TSHZ1: variants seen among roughly 807,000 people sequenced by gnomAD.
TSHZ1 encodes the protein teashirt homolog 1.
In TSHZ1, 12 loss-of-function variants were observed where a neutral mutation model predicts 67.1. The observed-to-expected ratio is 0.18, with a 90% CI of 0.11 to 0.29. TSHZ1 has a LOEUF of 0.29. Among genes scored for constraint, TSHZ1 ranks in the 10% least tolerant of loss-of-function variants. TSHZ1 has a pLI of 1.00. For synonymous variants in TSHZ1, 632 were observed against 622.4 expected, an observed-to-expected ratio of 1.02 and a Z score of -0.23; for missense variants, 1,305 against 1,413.9, an observed-to-expected ratio of 0.92 and a Z score of 1.23.
chr18:75,238,122 G>A (rs2023104875), intron 1 of TSHZ1, among the ~76,000 whole-genome samples: 1 of 152,194 alleles, frequency 6.6e-6, no homozygotes, highest in Non-Finnish European at 1.5e-5. Context: ...TCTTAAACAG[G>A]CTTATGCTTT....
Position 75,286,308 on chromosome 18 carries a change from G to A in TSHZ1, c.901G>A (p.Glu301Lys), listed in dbSNP as rs1360813028. Residue 301 changes from glutamate (E) to lysine (K), a missense_variant, in exon 2 of 2, where the codon GAG becomes AAG. This residue lies in a region of TSHZ1 where 38 missense variants were observed against 76.5 expected (regional missense o/e 0.50). Transcript: ENST00000580243. The surrounding 1 kb of genome is among the most constrained non-coding windows in gnomAD (Gnocchi z 5.1). Reference protein sequence around the residue: ...KRSLMEMEGKEDAQKVLKCMY... With the variant: ...KRSLMEMEGKKDAQKVLKCMY... ...CTCCCTGATGGAGATGGAGGGGAAGGAGGATGCCCAGAAGGTGCTGAAGTG... is the reference window on the plus strand; with the variant it reads ...CTCCCTGATGGAGATGGAGGGGAAGAAGGATGCCCAGAAGGTGCTGAAGTG... 4.3e-6 allele frequency: 7 copies of A among 1,613,018 alleles called. No homozygotes were observed. The highest frequency in any genetic ancestry group is 5.9e-6 in the Non-Finnish European group (7 of 1,179,108).
At chr18:75,236,937 A>T (rs1369372396) in intron 1 of TSHZ1, among the ~76,000 whole-genome samples, 1 of 152,202 alleles carries the variant, frequency 6.6e-6, no homozygotes, top group Non-Finnish European at 1.5e-5. Context: ...CTCTCAAACC[A>T]TCCGTAAGTT....
At chr18:75,273,224 C>T (rs1008446540) in intron 1 of TSHZ1, among the ~76,000 whole-genome samples, 2 of 152,198 alleles carry the variant, frequency 1.3e-5, no homozygotes, top group Non-Finnish European at 2.9e-5. Context: ...AGTGAGGCAG[C>T]GTTCTGGGAG....
At chr18:75,257,033 T>C (rs1449256220) in intron 1 of TSHZ1, among the ~76,000 whole-genome samples, 1 of 152,240 alleles carries the variant, frequency 6.6e-6, no homozygotes, top group Non-Finnish European at 1.5e-5. Flanking sequence ...AGAGTGGTGA[T>C]GTGCATTTGT....
At chr18:75,285,390 G>A in intron 1 of TSHZ1, 58 bp from the exon 2 acceptor site, 1 of 1,415,944 alleles carries the variant, frequency 7.1e-7, no homozygotes, top group Non-Finnish European at 9.2e-7. Context: ...CTGCTGGGGA[G>A]GCTGTCTCTT....
intron 1 of TSHZ1, among the ~76,000 whole-genome samples, chr18:75,237,791 C>T (rs8086643): frequency 0.029 from 4,113 of 143,544 alleles, 128 homozygotes; most frequent in African/African-American, 0.087. Context: ...TTCTTTCTTT[C>T]ATTTATTTAT....
intron 1 of TSHZ1, among the ~76,000 whole-genome samples, chr18:75,253,273 C>T (rs2023325353): frequency 1.3e-5 from 2 of 152,004 alleles, no homozygotes; most frequent in African/African-American, 4.8e-5. Flanking sequence ...TGTTGTTTGC[C>T]TTTGTATGTG....
intron 1 of TSHZ1, among the ~76,000 whole-genome samples, chr18:75,228,383 T>C (rs1399462844): frequency 6.6e-6 from 1 of 152,196 alleles, no homozygotes; most frequent in African/African-American, 2.4e-5. Flanking sequence ...GCCATCCTTA[T>C]AGGACCCTGA....
chr18:75,252,789 A>G (rs1487993049), intron 1 of TSHZ1, among the ~76,000 whole-genome samples: 1 of 152,172 alleles, frequency 6.6e-6, no homozygotes, highest in African/African-American at 2.4e-5. Flanking sequence ...ATTTCAATGA[A>G]CAATCTGCCT....
At chr18:75,235,906 A>ATT (rs762672133) in intron 1 of TSHZ1, among the ~76,000 whole-genome samples, 1 of 152,006 alleles carries the variant, frequency 6.6e-6, no homozygotes, top group Non-Finnish European at 1.5e-5. Flanking sequence ...CCATTCTGAG[A>ATT]TGGGGAGGCC....
intron 1 of TSHZ1, among the ~76,000 whole-genome samples, chr18:75,271,997 C>T (rs185314883): frequency 2.5e-4 from 38 of 152,340 alleles, no homozygotes; most frequent in African/African-American, 8.4e-4. Flanking sequence ...GTGATTCTAA[C>T]ATCTGTCCTA....
At chr18:75,223,291 G>A (rs970323353) in intron 1 of TSHZ1, among the ~76,000 whole-genome samples, 3 of 152,102 alleles carry the variant, frequency 2.0e-5, no homozygotes, top group Non-Finnish European at 4.4e-5. Context: ...AGCAGTGGAT[G>A]GGTTTTTATG....
At chr18:75,236,114 G>A (rs1309457834) in intron 1 of TSHZ1, among the ~76,000 whole-genome samples, 1 of 152,210 alleles carries the variant, frequency 6.6e-6, no homozygotes, top group Non-Finnish European at 1.5e-5. Flanking sequence ...TGCGTGATAG[G>A]AAGTGTGCGT....
At chr18:75,213,637 T>A (rs1378973635) in intron 1 of TSHZ1, among the ~76,000 whole-genome samples, 3 of 151,630 alleles carry the variant, frequency 2.0e-5, no homozygotes, top group East Asian at 2.0e-4. Flanking sequence ...TTTTTTTTTT[T>A]AAATAAAAGG....
At chr18:75,249,283 G>T (rs1471353502) in intron 1 of TSHZ1, among the ~76,000 whole-genome samples, 1 of 152,156 alleles carries the variant, frequency 6.6e-6, no homozygotes, top group Non-Finnish European at 1.5e-5. Context: ...TGGGTGCCTC[G>T]CCTGCCCCCA....
At chr18:75,223,287 G>C (rs1404654283) in intron 1 of TSHZ1, among the ~76,000 whole-genome samples, 6 of 152,122 alleles carry the variant, frequency 3.9e-5, no homozygotes, top group Non-Finnish European at 8.8e-5. Flanking sequence ...CAAAAGCAGT[G>C]GATGGGTTTT....
At chr18:75,258,076 T>C (rs1009016818) in intron 1 of TSHZ1, among the ~76,000 whole-genome samples, 4 of 152,172 alleles carry the variant, frequency 2.6e-5, no homozygotes, top group Admixed American at 2.6e-4. Context: ...ATCTGCCGGC[T>C]GCTGCTCCTC....
rs368121980 is a variant in TSHZ1 at position 75,286,138 on chromosome 18, G to T, written c.731G>T (p.Ser244Ile). The T allele has an allele frequency of 6.2e-7, 1 of 1,613,406 alleles. No homozygotes were observed. The highest frequency in any genetic ancestry group is 8.5e-7 in the Non-Finnish European group (1 of 1,179,442). The change falls in exon 2 of 2, where the codon AGC becomes ATC. Residue 244 changes from serine (S) to isoleucine (I), a missense_variant. Physicochemically the swap from Ser to Ile is moderately radical, Grantham distance 142. Coordinates refer to ENST00000580243, the MANE Select transcript of TSHZ1 (RefSeq NM_001308210.2). The surrounding 1 kb of genome is among the most constrained non-coding windows in gnomAD (Gnocchi z 5.1). ...KLYGSVFTGA[S>I]KFRCKDCSAA... ...TACGGCTCCGTCTTCACGGGCGCCA[G>T]CAAGTTCCGGTGCAAAGACTGCAGT...
At chr18:75,267,587 G>A (rs902975732) in intron 1 of TSHZ1, among the ~76,000 whole-genome samples, 6 of 152,320 alleles carry the variant, frequency 3.9e-5, no homozygotes, top group African/African-American at 1.2e-4. Flanking sequence ...GAGGGAAGGA[G>A]TTCAGTTCTT....
Sources: allele counts gnomAD v4.1 joint callset (sites outside exome capture counted in the v4.1 genomes callset), GRCh38; gene constraint gnomAD v4.1.1; regional missense constraint gnomAD v4.1.1; non-coding constraint Gnocchi (gnomAD v3.1); transcripts MANE v1.5; gene names NCBI Gene and HGNC (gene_info 2026-07-23, HGNC 2026-07-21).